CHM: variants seen among roughly 807,000 people sequenced by gnomAD.
The protein encoded by CHM is CHM Rab escort protein, also known as rab proteins geranylgeranyltransferase component A 1.
A neutral mutation model predicts 49.0 loss-of-function variants in CHM; 10 were observed. The observed-to-expected ratio is 0.20, with a 90% CI of 0.13 to 0.35. The LOEUF (loss-of-function observed/expected upper bound fraction) is 0.35, where lower values mean the gene tolerates loss of function less well. CHM is among the 10% of genes least tolerant of loss of function. The pLI is 1.00. For missense variants in CHM, 455 were observed against 478.4 expected (o/e 0.95, Z 0.46); for synonymous variants, 184 against 167.5 (o/e 1.10, Z -0.76).
chrX:85,932,484 C>G (rs1038547410), intron 8 of CHM, among the ~76,000 whole-genome samples: 2 of 112,013 alleles, frequency 1.8e-5, no homozygotes, highest in Non-Finnish European at 3.8e-5. Context: ...ATTATTAAAT[C>G]TCTATTATAA....
At chrX:85,919,107 C>G (rs1015328621) in intron 8 of CHM, among the ~76,000 whole-genome samples, 3 of 112,168 alleles carry the variant, frequency 2.7e-5, no homozygotes, top group Non-Finnish European at 5.6e-5. Flanking sequence ...CATATACACA[C>G]AGAAAAAGAG....
intron 8 of CHM, among the ~76,000 whole-genome samples, chrX:85,932,552 A>G (rs1179611302): frequency 8.9e-6 from 1 of 112,237 alleles, no homozygotes; most frequent in East Asian, 2.8e-4. Context: ...AATACTGAAC[A>G]TATAAAAACA....
At chrX:85,925,034 C>A (rs1337125601) in intron 8 of CHM, among the ~76,000 whole-genome samples, 1 of 111,669 alleles carries the variant, frequency 9.0e-6, no homozygotes, top group Non-Finnish European at 1.9e-5. Flanking sequence ...AGGACAGTCA[C>A]AGTAAAACTA....
chrX:85,934,359 G>C (rs1248999874), intron 8 of CHM, among the ~76,000 whole-genome samples: 2 of 98,750 alleles, frequency 2.0e-5, no homozygotes, highest in South Asian at 5.3e-4. Context: ...ATGTGCCATG[G>C]TGGTGTGCTG....
At position 85,957,987 on chromosome X, in the gene CHM, T is replaced by C. The variant is rs771287655; in HGVS notation, c.820-12A>G. On this transcript the variant is annotated splice_polypyrimidine_tract_variant and intron_variant, in intron 6 of 14. Transcript: ENST00000357749. ...CTGGAACACGGAACCTGAAAAATAT[T>C]ATGATTTTAAGTTAAGAAACTGCTT... is the stretch of plus-strand genomic sequence containing the variant. The C allele has an allele frequency of 2.4e-5, 29 of 1,206,794 alleles. No homozygotes were observed. In the East Asian group the frequency reaches 8.3e-4, roughly 35 times the overall value.
chrX:85,938,725 T>A lies in CHM; in HGVS notation c.1166+17428A>T, dbSNP rs929469150. On this transcript the variant is annotated intron_variant, in intron 8 of 14. Transcript: ENST00000357749. The stretch of plus-strand genomic sequence containing the variant: ...AAATTCCTGAAACCCAAGTAACTGA[T>A]TACAAACATTGCATATCAGTTTAAG... Among the ~76,000 whole-genome samples, 3 of 110,619 alleles carry A rather than the reference T, an allele frequency of 2.7e-5. No homozygotes were observed. The Admixed American group carries it at 2.9e-4, about 11-fold the overall frequency.
intron 8 of CHM, among the ~76,000 whole-genome samples, chrX:85,913,562 AG>A (rs1340133378): frequency 9.1e-6 from 1 of 109,725 alleles, no homozygotes; most frequent in Admixed American, 9.8e-5. Context: ...AGAAAAGACA[AG>A]GAACAGATTC....
chrX:85,881,618 T>C lies in CHM; in HGVS notation c.1511-2555A>G, dbSNP rs1051539435. On this transcript the variant is annotated intron_variant, in intron 12 of 14. Coordinates refer to ENST00000357749, the MANE Select transcript of CHM (RefSeq NM_000390.4). ...TGGCCTGCCTGCAGAGTGTCTGCCTTTAGTCACTAAATTATATTATGTGAT... is the reference window on the plus strand; with the variant it reads ...TGGCCTGCCTGCAGAGTGTCTGCCTCTAGTCACTAAATTATATTATGTGAT... Among the ~76,000 whole-genome samples, 23 of 111,690 alleles carry C rather than the reference T, an allele frequency of 2.1e-4. No individual in the cohort carries two copies. In the Admixed American group the frequency reaches 2.1e-3, roughly 10 times the overall value.
intron 9 of CHM, among the ~76,000 whole-genome samples, chrX:85,907,921 A>C (rs892616965): frequency 8.9e-6 from 1 of 111,943 alleles, no homozygotes; most frequent in East Asian, 2.8e-4. Context: ...TAGAGAACTT[A>C]TAAAATGATC....
At chrX:85,877,885 T>C (rs1288029434) in intron 13 of CHM, among the ~76,000 whole-genome samples, 1 of 111,720 alleles carries the variant, frequency 9.0e-6, no homozygotes, top group Non-Finnish European at 1.9e-5. Flanking sequence ...AATAAATGGT[T>C]GCATGAACAA....
chrX:85,966,652 C>T (rs1930599892), intron 4 of CHM, among the ~76,000 whole-genome samples: 1 of 112,173 alleles, frequency 8.9e-6, no homozygotes, highest in Non-Finnish European at 1.9e-5. Flanking sequence ...AGCAAAAGTT[C>T]CACACCTAAT....
chrX:85,934,926 G>T (rs1482713084), intron 8 of CHM, among the ~76,000 whole-genome samples: 1 of 111,699 alleles, frequency 9.0e-6, no homozygotes, highest in Non-Finnish European at 1.9e-5. Flanking sequence ...TGTTATGAAT[G>T]TTTTGTTATA....
chrX:85,956,905 C>T (rs1253174340), intron 7 of CHM, among the ~76,000 whole-genome samples: 1 of 111,180 alleles, frequency 9.0e-6, no homozygotes, highest in Admixed American at 9.6e-5. Flanking sequence ...ACATACGGGA[C>T]CCCCAGAAGT....
intron 1 of CHM, among the ~76,000 whole-genome samples, chrX:86,028,537 A>G (rs957421989): frequency 6.3e-5 from 7 of 111,876 alleles, no homozygotes; most frequent in Non-Finnish European, 1.3e-4. Context: ...TAATCATACC[A>G]TAAAGCTGAT....
chrX:85,963,085 G>A (rs1397619113), intron 5 of CHM, among the ~76,000 whole-genome samples: 1 of 111,159 alleles, frequency 9.0e-6, no homozygotes, highest in African/African-American at 3.3e-5. Context: ...ACGCCATGGT[G>A]TTTTGCTGCA....
chrX:85,984,730 T>G (rs1427080816), intron 2 of CHM, among the ~76,000 whole-genome samples: 1 of 111,647 alleles, frequency 9.0e-6, no homozygotes, highest in Non-Finnish European at 1.9e-5. Flanking sequence ...ATAAACAAAC[T>G]GTCGTATATC....
intron 2 of CHM, among the ~76,000 whole-genome samples, chrX:85,994,684 T>C (rs1019300605): frequency 3.6e-5 from 4 of 111,882 alleles, no homozygotes; most frequent in Non-Finnish European, 7.5e-5. Flanking sequence ...GCTGTGAAAC[T>C]GACTGACATT....
intron 8 of CHM, among the ~76,000 whole-genome samples, chrX:85,944,584 G>C (rs189100090): frequency 2.7e-5 from 3 of 111,694 alleles, no homozygotes; most frequent in African/African-American, 9.8e-5. Flanking sequence ...TTATATATTT[G>C]TAACTTTTGG....
At chrX:85,950,556 CAG>C (rs1184406348) in intron 8 of CHM, among the ~76,000 whole-genome samples, 2 of 109,330 alleles carry the variant, frequency 1.8e-5, no homozygotes, top group Admixed American at 9.8e-5. Context: ...TTGAGAGATA[CAG>C]AAGAGAGAAT....
Sources: gnomAD v4.1 joint callset for allele counts (sites outside exome capture counted in the v4.1 genomes callset) on GRCh38, gnomAD v4.1.1 for gene constraint, MANE v1.5 for transcripts, NCBI Gene and HGNC (gene_info 2026-07-23, HGNC 2026-07-21) for gene names.